Variants in CSE1L observed in about 807,000 individuals in gnomAD.
CSE1L encodes exportin-2.
A neutral mutation model predicts 120.4 loss-of-function variants in CSE1L; 24 were observed. That is an observed-to-expected ratio of 0.20 (90% CI 0.14 to 0.28). The LOEUF is 0.28. Among genes scored for constraint, CSE1L ranks in the 10% least tolerant of loss-of-function variants. CSE1L has a pLI of 1.00. For synonymous variants in CSE1L, 402 were observed against 398.3 expected, an observed-to-expected ratio of 1.01 and a Z score of -0.11; for missense variants, 830 against 1,145.2, an observed-to-expected ratio of 0.72 and a Z score of 3.97.
chr20:49,074,932 G>T, intron 11 of CSE1L, 82 bp downstream of exon 11: 1 of 1,005,792 alleles, frequency 9.9e-7, no homozygotes, highest in East Asian at 2.4e-5. Context: ...TGGGAGAAGT[G>T]GGATTGAGAA....
At chr20:49,068,360 G>A (rs1344325336) in intron 6 of CSE1L, among the ~76,000 whole-genome samples, 6 of 152,084 alleles carry the variant, frequency 3.9e-5, no homozygotes, top group Non-Finnish European at 5.9e-5. Context: ...AGGCCGAGGC[G>A]GGCGGATCAC....
intron 14 of CSE1L, among the ~76,000 whole-genome samples, chr20:49,079,749 A>G (rs2091996184): frequency 6.6e-6 from 1 of 152,048 alleles, no homozygotes; most frequent in African/African-American, 2.4e-5. Flanking sequence ...CAGATTTTAC[A>G]TCCCAGGAAT....
rs374457559 is a variant in CSE1L, at chr20:49,049,230, C to CT, written c.-12+2817dup. ...AAATGAATTCTTATCTTCTCCCTCC[C>CT]TTTTTTTTTTGGAGACACCATCTCA... On this transcript the variant is annotated intron_variant, in intron 1 of 24. Coordinates refer to ENST00000262982, the MANE Select transcript of CSE1L (RefSeq NM_001316.4). Among the ~76,000 whole-genome samples the CT allele has an allele frequency of 8.6e-4, 128 of 148,282 alleles. 2 individuals are homozygous for CT. The South Asian group carries it at 0.019, about 22-fold the overall frequency.
intron 14 of CSE1L, among the ~76,000 whole-genome samples, chr20:49,080,074 G>A (rs1249433095): frequency 1.3e-5 from 2 of 152,020 alleles, no homozygotes; most frequent in African/African-American, 4.8e-5. Context: ...ACTCAAACCC[G>A]TGTTGTTCAA....
chr20:49,065,339 T>TTTTTTTTTTTTTTTTTTTTTTTTTTG (rs2091883876), intron 3 of CSE1L, among the ~76,000 whole-genome samples: 1 of 125,628 alleles, frequency 8.0e-6, no homozygotes, highest in Non-Finnish European at 1.7e-5. Context: ...TTTTTTTTTT[T>TTTTTTTTTTTTTTTTTTTTTTTTTTG]TGAGAGGGAG....
chr20:49,061,067 G>A (rs2091848687), intron 2 of CSE1L, among the ~76,000 whole-genome samples: 2 of 151,922 alleles, frequency 1.3e-5, no homozygotes, highest in Admixed American at 6.6e-5. Context: ...GTTTATTAGT[G>A]TATAAAGAAG....
rs2092141897 is a variant in CSE1L at position 49,096,469 on chromosome 20, T to A, written c.*31T>A. On this transcript the variant is annotated 3_prime_UTR_variant, in exon 25 of 25. Transcript: ENST00000262982. ...ATTTTTCTAATGGGCTAAACCCAGA[T>A]GGTTTCCTAGGAAATCACAGGCTTC... is the stretch of plus-strand genomic sequence containing the variant. 1 of 1,533,718 alleles carries A rather than the reference T, an allele frequency of 6.5e-7. No homozygotes were observed. The highest frequency in any genetic ancestry group is 1.4e-5 in the African/African-American group (1 of 73,280).
chr20:49,074,894 G>C, intron 11 of CSE1L, 44 bp downstream of exon 11: 1 of 1,457,178 alleles, frequency 6.9e-7, no homozygotes, highest in Non-Finnish European at 9.5e-7. Context: ...TAGCAAGCCA[G>C]TTTTAAGGTG....
chr20:49,068,015 A>G (rs1275143974), intron 6 of CSE1L, among the ~76,000 whole-genome samples: 1 of 140,024 alleles, frequency 7.1e-6, no homozygotes, highest in African/African-American at 2.7e-5. Flanking sequence ...CAATTCTCCG[A>G]GTACACTGGG....
At chr20:49,086,756 T>C (rs746108739) in intron 16 of CSE1L, among the ~76,000 whole-genome samples, 29 of 152,238 alleles carry the variant, frequency 1.9e-4, no homozygotes, top group Non-Finnish European at 3.4e-4. Flanking sequence ...ATGTAATACC[T>C]TCTCTGTACG....
intron 3 of CSE1L, among the ~76,000 whole-genome samples, chr20:49,065,904 A>G (rs2091888774): frequency 6.6e-6 from 1 of 152,106 alleles, no homozygotes; most frequent in South Asian, 2.1e-4. Context: ...TAAAATGGAA[A>G]TTCTTAATTG....
At chr20:49,085,430 A>C in intron 16 of CSE1L, 44 bp downstream of exon 16, 19 of 1,416,588 alleles carry the variant, frequency 1.3e-5, no homozygotes, top group Non-Finnish European at 1.9e-5. Flanking sequence ...ATCCAATCTC[A>C]GATTGTAAGG....
At chr20:49,082,233 G>C (rs1163473282) in intron 14 of CSE1L, among the ~76,000 whole-genome samples, 3 of 151,622 alleles carry the variant, frequency 2.0e-5, no homozygotes, top group Admixed American at 2.0e-4. Flanking sequence ...ATGGAGTCTT[G>C]CTCTGTTACC....
At chr20:49,085,815 C>T (rs995634539) in intron 16 of CSE1L, among the ~76,000 whole-genome samples, 1 of 151,942 alleles carries the variant, frequency 6.6e-6, no homozygotes, top group Non-Finnish European at 1.5e-5. Flanking sequence ...CAAATATCTG[C>T]CCGCCTCAGC....
chr20:49,047,064 G>T (rs560533927), intron 1 of CSE1L, among the ~76,000 whole-genome samples: 1 of 152,342 alleles, frequency 6.6e-6, no homozygotes, highest in African/African-American at 2.4e-5. Context: ...GAAATCCCCT[G>T]TAACGCGGGT....
intron 8 of CSE1L, among the ~76,000 whole-genome samples, 196 bp from the exon 9 acceptor site, chr20:49,072,090 C>T (rs1027640677): frequency 5.3e-5 from 8 of 152,046 alleles, no homozygotes; most frequent in African/African-American, 1.2e-4. Context: ...GAATCTAATA[C>T]GGAAATATTT....
rs980290493 is a variant in CSE1L, at chr20:49,092,650, C to T, written c.2447+523C>T. On this transcript the variant is annotated intron_variant, in intron 22 of 24. Coordinates refer to ENST00000262982, the MANE Select transcript of CSE1L (RefSeq NM_001316.4). ...GGGAACATCACACTCTGGGGCCTGT[C>T]GTGGGATGGGGGGCAGGGGAAGGGA... Among the ~76,000 whole-genome samples, 3 of 148,236 alleles carry T rather than the reference C, an allele frequency of 2.0e-5. No individual in the cohort carries two copies. The South Asian group carries it at 6.7e-4, about 33-fold the overall frequency.
At chr20:49,060,840 G>T (rs1316875966) in intron 2 of CSE1L, among the ~76,000 whole-genome samples, 1 of 152,012 alleles carries the variant, frequency 6.6e-6, no homozygotes, top group South Asian at 2.1e-4. Context: ...TATCTTGTGA[G>T]CAGTCAGTTA....
intron 14 of CSE1L, among the ~76,000 whole-genome samples, chr20:49,082,882 C>T (rs1037163374): frequency 2.0e-5 from 3 of 152,054 alleles, no homozygotes; most frequent in South Asian, 2.1e-4. Context: ...TGCAGTGGTG[C>T]GATCATAGCT....
Sources: gnomAD v4.1 joint callset for allele counts (sites outside exome capture counted in the v4.1 genomes callset) on GRCh38, gnomAD v4.1.1 for gene constraint, MANE v1.5 for transcripts, NCBI Gene and HGNC (gene_info 2026-07-23, HGNC 2026-07-21) for gene names.